The following RBFOX3 variants were observed in gnomAD, a reference collection of about 807,000 sequenced individuals.
RBFOX3 encodes the protein RNA binding fox-1 homolog 3, also known as RNA binding protein fox-1 homolog 3.
RBFOX3 carries 17 observed loss-of-function variants against 48.7 expected under a neutral mutation model. The observed-to-expected ratio is 0.35, with a 90% CI of 0.24 to 0.52. The LOEUF (loss-of-function observed/expected upper bound fraction) is 0.52. RBFOX3 is among the 20% of genes least tolerant of loss of function. RBFOX3 has a pLI of 0.94. For missense variants in RBFOX3, 382 were observed against 497.5 expected, an observed-to-expected ratio of 0.77 and a Z score of 2.21; for synonymous variants, 212 against 209.5, an observed-to-expected ratio of 1.01 and a Z score of -0.10.
At chr17:79,264,803 C>T (rs920421842) in intron 3 of RBFOX3, among the ~76,000 whole-genome samples, 3 of 152,210 alleles carry the variant, frequency 2.0e-5, no homozygotes, top group South Asian at 2.1e-4. Context: ...CCCCACGAAC[C>T]GGGCCTCGAC....
chr17:79,272,540 C>T (rs754789219), intron 3 of RBFOX3, among the ~76,000 whole-genome samples: 1 of 152,222 alleles, frequency 6.6e-6, no homozygotes, highest in Non-Finnish European at 1.5e-5. Context: ...CCACGCGGGG[C>T]CACGCAGGTC....
In RBFOX3 at chr17:79,322,957, C is replaced by T. The variant is rs1449016216; in HGVS notation, c.-174-15133G>A. Among the ~76,000 whole-genome samples, 5 of 152,204 alleles carry T rather than the reference C, an allele frequency of 3.3e-5. No individual in the cohort carries two copies. In the East Asian group the frequency reaches 9.6e-4, roughly 29 times the overall value. ...GCTGGCACTGCATGTGGCCAGCTGG[C>T]CCTGAGCTCACTTGTCACAAGCATT... On this transcript the variant is annotated intron_variant, in intron 2 of 14. Transcript: ENST00000693108.
intron 2 of RBFOX3, among the ~76,000 whole-genome samples, chr17:79,380,529 C>T (rs2059775873): frequency 6.6e-6 from 1 of 152,188 alleles, no homozygotes; most frequent in South Asian, 2.1e-4. Context: ...CCTCCTTGGC[C>T]TCTTGGAAGC....
At chr17:79,129,787 GC>G (rs1420091872) in intron 4 of RBFOX3, among the ~76,000 whole-genome samples, 1 of 152,248 alleles carries the variant, frequency 6.6e-6, no homozygotes, top group African/African-American at 2.4e-5. Flanking sequence ...TAAACTACCA[GC>G]CTGAAATCTC....
Position 79,195,075 on chromosome 17 carries a change from C to T in RBFOX3, c.-34+40691G>A, listed in dbSNP as rs866974979. Among the ~76,000 whole-genome samples, 2 of 151,944 alleles carry T rather than the reference C, an allele frequency of 1.3e-5. No individual in the cohort carries two copies. Among genetic ancestry groups the T allele is most frequent in the African/African-American group, 2.4e-5 (1 of 41,376 alleles). On this transcript the variant is annotated intron_variant, in intron 4 of 14. Coordinates refer to ENST00000693108, the MANE Select transcript of RBFOX3 (RefSeq NM_001350451.2). The surrounding 1 kb of genome is among the most constrained non-coding windows in gnomAD (Gnocchi z 5.3). Reference sequence around the variant, plus strand: ...CTCACTATCATCCCCATTGCCTGCGCGGTGCCTGGCCACGGGTAGCCTCTC... The same window carrying T: ...CTCACTATCATCCCCATTGCCTGCGTGGTGCCTGGCCACGGGTAGCCTCTC...
At chr17:79,373,994 G>A (rs1598424922) in intron 2 of RBFOX3, among the ~76,000 whole-genome samples, 1 of 152,312 alleles carries the variant, frequency 6.6e-6, no homozygotes, top group South Asian at 2.1e-4. Context: ...GAGTAGCTGG[G>A]ATTACAGGGG....
chr17:79,138,768 A>G (rs1382006801), intron 4 of RBFOX3, among the ~76,000 whole-genome samples: 1 of 86,534 alleles, frequency 1.2e-5, no homozygotes, highest in African/African-American at 4.5e-5. Context: ...ATCCACAAAC[A>G]TGCACACAGC....
intron 4 of RBFOX3, among the ~76,000 whole-genome samples, chr17:79,126,164 A>C (rs1432516553): frequency 6.6e-6 from 1 of 152,220 alleles, no homozygotes; most frequent in Non-Finnish European, 1.5e-5. Context: ...CGTCTGCCAC[A>C]TTCCCAGTTT....
At chr17:79,563,134 G>C (rs1241635022) in intron 1 of RBFOX3, among the ~76,000 whole-genome samples, 2 of 151,596 alleles carry the variant, frequency 1.3e-5, no homozygotes, top group Non-Finnish European at 2.9e-5. Context: ...GCGGATCTCA[G>C]AAAACAAGCC....
chr17:79,420,125 T>A (rs868996176), intron 2 of RBFOX3, among the ~76,000 whole-genome samples: 42 of 25,250 alleles, frequency 1.7e-3, no homozygotes, highest in South Asian at 0.015. Flanking sequence ...AGACTCCGTC[T>A]CATACACACA....
intron 4 of RBFOX3, among the ~76,000 whole-genome samples, chr17:79,160,180 G>T (rs1014956835): frequency 3.3e-5 from 5 of 152,260 alleles, no homozygotes; most frequent in Non-Finnish European, 7.3e-5. Context: ...TCCAGGCCGG[G>T]AGGAAAAATC....
chr17:79,648,436 C>A, the RBFOX3 span, among the ~76,000 whole-genome samples: 3 of 152,230 alleles, frequency 2.0e-5, no homozygotes, highest in Admixed American at 6.5e-5. Flanking sequence ...TCTCCAGTTA[C>A]CAAGCTCTCC....
the RBFOX3 span, among the ~76,000 whole-genome samples, chr17:79,625,716 C>T: frequency 3.9e-5 from 6 of 152,150 alleles, no homozygotes; most frequent in African/African-American, 7.2e-5. Flanking sequence ...TGCTTGAACC[C>T]GGGAGGTGGA....
intron 4 of RBFOX3, among the ~76,000 whole-genome samples, chr17:79,221,755 G>A (rs994035467): frequency 2.6e-5 from 4 of 152,202 alleles, no homozygotes; most frequent in Non-Finnish European, 5.9e-5. Context: ...TCGGTGGCTG[G>A]AGCCTCTGGC....
intron 2 of RBFOX3, among the ~76,000 whole-genome samples, chr17:79,442,046 G>T (rs535732830): frequency 6.6e-6 from 1 of 151,830 alleles, no homozygotes; most frequent in African/African-American, 2.4e-5. Context: ...CAAGAGCAAA[G>T]ATGCTCTTCA....
At chr17:79,566,375 C>T (rs917225338) in intron 1 of RBFOX3, among the ~76,000 whole-genome samples, 2 of 152,180 alleles carry the variant, frequency 1.3e-5, no homozygotes, top group African/African-American at 2.4e-5. Flanking sequence ...TCAGTAGCTC[C>T]GTCCTTCATC....
chr17:79,468,972 ATGGATGGATGGATG>A (rs2076706245), intron 2 of RBFOX3, among the ~76,000 whole-genome samples: 9 of 151,140 alleles, frequency 6.0e-5, no homozygotes, highest in Non-Finnish European at 1.0e-4. Context: ...GGATGGATGG[ATGGATGGATGGATG>A]GATAGCAGAT....
chr17:79,554,676 G>A (rs2091474708), intron 1 of RBFOX3, among the ~76,000 whole-genome samples: 1 of 152,286 alleles, frequency 6.6e-6, no homozygotes, highest in Non-Finnish European at 1.5e-5. Context: ...TCTCACACAT[G>A]GAAGGTTTTC....
At chr17:79,588,931 C>G (rs998319971) in intron 1 of RBFOX3, among the ~76,000 whole-genome samples, 5 of 150,834 alleles carry the variant, frequency 3.3e-5, no homozygotes, top group African/African-American at 1.2e-4. Flanking sequence ...GCACTTGGAC[C>G]TGGGCCATAT....
Sources: gnomAD v4.1 joint callset for allele counts (sites outside exome capture counted in the v4.1 genomes callset) on GRCh38, gnomAD v4.1.1 for gene constraint, Gnocchi (gnomAD v3.1) non-coding constraint, MANE v1.5 for transcripts, NCBI Gene and HGNC (gene_info 2026-07-23, HGNC 2026-07-21) for gene names.